The following SPARCL1 variants were observed in gnomAD, a reference collection of about 807,000 sequenced individuals.
SPARCL1 encodes SPARC-like protein 1.
In SPARCL1, 52 loss-of-function variants were observed where a neutral mutation model predicts 67.1. The observed-to-expected ratio is 0.78, with a 90% CI of 0.62 to 0.98. The LOEUF is 0.98. Among genes scored for constraint, SPARCL1 ranks in the 50% least tolerant of loss-of-function variants. SPARCL1 has a pLI of 0.00. For missense variants in SPARCL1, 717 were observed against 782.4 expected (o/e 0.92, Z 1.00); for synonymous variants, 226 against 267.8 (o/e 0.84, Z 1.52).
chr4:87,494,363 C>T lies in SPARCL1; in HGVS notation c.437G>A (p.Ser146Asn), dbSNP rs747104995. ...TTGTTGGTTAGAATCTGTGAAGGAA[C>T]TAACACCAGGAGCCAAAAAATCAGT... ...ENTDFLAPGVSSFTDSNQQES... is the reference protein window; with the variant it reads ...ENTDFLAPGVNSFTDSNQQES... Residue 146 changes from serine (S) to asparagine (N), a missense_variant, in exon 4 of 11, where the codon AGT becomes AAT. Coordinates refer to ENST00000282470, the MANE Select transcript of SPARCL1 (RefSeq NM_004684.6). 4.3e-6 allele frequency: 7 copies of T among 1,614,210 alleles called. No individual in the cohort carries two copies. In the South Asian group the frequency reaches 7.7e-5, roughly 18 times the overall value.
At chr4:87,504,852 A>G (rs950100299) in intron 1 of SPARCL1, 1 of 152,248 alleles carries the variant, frequency 6.6e-6, no homozygotes, top group African/African-American at 2.4e-5. Flanking sequence ...GTGTTGAAGG[A>G]AAAGGCTTAT....
In SPARCL1 at chr4:87,512,927, G is replaced by A. The variant is rs950874135; in HGVS notation, c.-11-13342C>T. Among the ~76,000 whole-genome samples, 4 of 152,084 alleles carry A rather than the reference G, an allele frequency of 2.6e-5. No homozygotes were observed. In the South Asian group the frequency reaches 6.2e-4, roughly 24 times the overall value. On this transcript the variant is annotated intron_variant, in intron 1 of 10. Coordinates refer to ENST00000282470, the MANE Select transcript of SPARCL1 (RefSeq NM_004684.6). ...AATAAGCAAATTGTGTAGCTTTTGGGGGCTTCAGCTCATTGTCTATAAAAT... is the reference window on the plus strand; with the variant it reads ...AATAAGCAAATTGTGTAGCTTTTGGAGGCTTCAGCTCATTGTCTATAAAAT...
intron 1 of SPARCL1, chr4:87,528,063 G>A (rs1413422967): frequency 6.6e-6 from 1 of 152,148 alleles, no homozygotes; most frequent in Non-Finnish European, 1.5e-5. Context: ...CAATGCCAAG[G>A]TGACATATTT....
At chr4:87,508,026 CCA>C (rs1725175686) in intron 1 of SPARCL1, among the ~76,000 whole-genome samples, 1 of 152,242 alleles carries the variant, frequency 6.6e-6, no homozygotes, top group African/African-American at 2.4e-5. Context: ...CTAGGAACCT[CCA>C]TAGGTTCAGT....
intron 1 of SPARCL1, among the ~76,000 whole-genome samples, chr4:87,523,923 G>A (rs561016108): frequency 5.4e-4 from 82 of 152,238 alleles, no homozygotes; most frequent in African/African-American, 2.0e-3. Flanking sequence ...TTTCATTATT[G>A]TGATGGTTTG....
chr4:87,509,353 TTCAGGG>T (rs1725252816), intron 1 of SPARCL1, among the ~76,000 whole-genome samples: 6 of 152,176 alleles, frequency 3.9e-5, no homozygotes, highest in Non-Finnish European at 5.9e-5. Context: ...AAGTAACTTG[TTCAGGG>T]TTACACAGCT....
At chr4:87,482,296 G>A in intron 8 of SPARCL1, 128 bp downstream of exon 8, 1 of 941,966 alleles carries the variant, frequency 1.1e-6, no homozygotes, top group East Asian at 2.6e-5. Flanking sequence ...AGCCACATGG[G>A]CTAACCGGGC....
intron 10 of SPARCL1, among the ~76,000 whole-genome samples, chr4:87,479,187 A>T (rs1560810917): frequency 6.6e-6 from 1 of 152,196 alleles, no homozygotes. Context: ...GGCTTAGCTG[A>T]CTGTTGAGAC....
intron 1 of SPARCL1, among the ~76,000 whole-genome samples, chr4:87,521,671 G>C (rs971415985): frequency 1.3e-5 from 2 of 152,184 alleles, no homozygotes; most frequent in African/African-American, 4.8e-5. Flanking sequence ...ATGACAACTT[G>C]ATCTGTTTAT....
chr4:87,490,821 C>G lies in SPARCL1; in HGVS notation c.1349G>C (p.Gly450Ala). ...ATCCTGGCAGACACAGTGAGGTTTT[C>G]CCTGTTGGTCTGCCTTACAGATGTG... Reference protein sequence around the residue: ...RGHICKADQQGKPHCVCQDPV... With the variant: ...RGHICKADQQAKPHCVCQDPV... The change falls in exon 6 of 11, where the codon GGA (glycine) becomes GCA (alanine). Residue 450 changes from glycine to alanine, a missense_variant. Gly to Ala is a moderately conservative substitution (Grantham distance 60). Transcript: ENST00000282470. 13 of 1,612,864 alleles carry G rather than the reference C, an allele frequency of 8.1e-6. No homozygotes were observed. Among genetic ancestry groups the G allele is most frequent in the Non-Finnish European group, 1.1e-5 (13 of 1,179,352 alleles).
intron 6 of SPARCL1, 75 bp downstream of exon 6, chr4:87,490,685 T>G (rs1724282888): frequency 9.3e-7 from 1 of 1,077,328 alleles, no homozygotes; most frequent in South Asian, 1.6e-5. Flanking sequence ...TAAGCAAAAA[T>G]TTCAATGGCA....
intron 1 of SPARCL1, among the ~76,000 whole-genome samples, chr4:87,509,582 G>A (rs1174749407): frequency 6.6e-6 from 1 of 152,210 alleles, no homozygotes; most frequent in African/African-American, 2.4e-5. Context: ...AGCAGCATGG[G>A]TGAAGTTGCA....
chr4:87,499,548 A>T lies in SPARCL1; in HGVS notation c.27T>A (p.Cys9Ter), dbSNP rs1368245324. 3 of 1,594,062 alleles carry T rather than the reference A, an allele frequency of 1.9e-6. No homozygotes were observed. The highest frequency in any genetic ancestry group is 2.6e-6 in the Non-Finnish European group (3 of 1,175,468). ...GGATTGCAGCTGCAGTTCCCAAGAG[A>T]CATAGGAAAAAAAGCCCAGTCTTCA... MKTGLFFL[C>*]LLGTAAAIPT... is the part of the protein sequence containing the mutation. The change falls in exon 2 of 11, where the codon TGT becomes TGA. Residue 9 changes from cysteine (C) to a stop codon, truncating the protein, a stop_gained. Transcript: ENST00000282470. LOFTEE classifies it high-confidence loss of function.
intron 1 of SPARCL1, among the ~76,000 whole-genome samples, chr4:87,516,834 T>A (rs532898066): frequency 2.6e-5 from 4 of 152,364 alleles, no homozygotes; most frequent in South Asian, 2.1e-4. Context: ...TTACCCAAGC[T>A]TGTGCAATAG....
chr4:87,474,985 G>A (rs935810134), intron 10 of SPARCL1, among the ~76,000 whole-genome samples: 6 of 151,478 alleles, frequency 4.0e-5, no homozygotes, highest in Non-Finnish European at 5.9e-5. Flanking sequence ...CTCGTGATCC[G>A]CCTGCCTCAG....
chr4:87,505,685 G>C (rs1050378717), intron 1 of SPARCL1, among the ~76,000 whole-genome samples: 1 of 151,548 alleles, frequency 6.6e-6, no homozygotes, highest in Non-Finnish European at 1.5e-5. Flanking sequence ...CTCTCAAGTA[G>C]CTGGGGATAT....
Position 87,480,525 on chromosome 4 carries a change from G to A in SPARCL1, c.1669-5C>T. On this transcript the variant is annotated splice_region_variant and splice_polypyrimidine_tract_variant and intron_variant, in intron 8 of 10. Transcript: ENST00000282470. ...ATCCAGGTAAATTTTCTTGACCTGG[G>A]ATTAGGAAGGCAGAAGACTGTCAGA... is the stretch of plus-strand genomic sequence containing the variant. 1 of 1,604,132 alleles carries A rather than the reference G, an allele frequency of 6.2e-7. No homozygotes were observed. The highest frequency in any genetic ancestry group is 8.5e-7 in the Non-Finnish European group (1 of 1,176,280).
intron 7 of SPARCL1, among the ~76,000 whole-genome samples, chr4:87,483,347 T>C (rs986117466): frequency 2.0e-5 from 3 of 152,224 alleles, no homozygotes; most frequent in Admixed American, 2.0e-4. Flanking sequence ...TTTGGTTTTC[T>C]GTTCCTGTGT....
In SPARCL1 at chr4:87,523,524, G is replaced by A. The variant is rs529362957; in HGVS notation, c.-12+5521C>T. 6.6e-4 allele frequency among the ~76,000 whole-genome samples: 100 copies of A among 152,278 alleles called. 1 individual carries two copies. Among genetic ancestry groups the A allele is most frequent in the African/African-American group, 2.4e-3 (98 of 41,554 alleles). ...GTGTGGAGAACATGACCACGAGTGA[G>A]GACTAATGCCTGGGGATTAAATTTG... On this transcript the variant is annotated intron_variant, in intron 1 of 10. Transcript: ENST00000282470.
Sources: allele counts gnomAD v4.1 joint callset (sites outside exome capture counted in the v4.1 genomes callset), GRCh38; gene constraint gnomAD v4.1.1; transcripts MANE v1.5; gene names NCBI Gene and HGNC (gene_info 2026-07-23, HGNC 2026-07-21).